AIMP1: variants seen among roughly 807,000 people sequenced by gnomAD.
AIMP1 encodes aminoacyl tRNA synthetase complex interacting multifunctional protein 1.
Under a neutral mutation model 33.1 loss-of-function variants are expected in AIMP1, and 24 were observed. That is an observed-to-expected ratio of 0.73 (90% CI 0.53 to 1.02). The LOEUF (loss-of-function observed/expected upper bound fraction) is 1.02, where lower values mean the gene tolerates loss of function less well. Ranked by LOEUF, AIMP1 falls within the 50% of genes least tolerant of loss-of-function variation. AIMP1 has a pLI of 0.00. For missense variants in AIMP1, 367 were observed against 364.8 expected, an observed-to-expected ratio of 1.01 and a Z score of -0.05; for synonymous variants, 120 against 121.5, an observed-to-expected ratio of 0.99 and a Z score of 0.08.
chr4:106,325,004 G>T lies in AIMP1; in HGVS notation c.-6G>T. On this transcript the variant is annotated 5_prime_UTR_variant, in exon 2 of 7. Coordinates refer to ENST00000672341, the MANE Select transcript of AIMP1 (RefSeq NM_001142416.2). Reference sequence around the variant, plus strand: ...CTATAGGATTTTCTGCCGTCTCTTGGCAAAAATGGCAAATAATGATGCTGT... The same window carrying T: ...CTATAGGATTTTCTGCCGTCTCTTGTCAAAAATGGCAAATAATGATGCTGT... The T allele has an allele frequency of 1.3e-6, 2 of 1,596,390 alleles. No individual in the cohort carries two copies. The highest frequency in any genetic ancestry group is 1.2e-5 in the South Asian group (1 of 86,302).
intron 1 of AIMP1, among the ~76,000 whole-genome samples, chr4:106,323,013 C>A (rs1769323599): frequency 1.3e-5 from 2 of 150,342 alleles, no homozygotes; most frequent in Non-Finnish European, 1.5e-5. Context: ...TTTATCACTT[C>A]TTTTTATCAC....
chr4:106,339,892 A>G (rs960534938), intron 6 of AIMP1, among the ~76,000 whole-genome samples: 7 of 152,350 alleles, frequency 4.6e-5, no homozygotes, highest in African/African-American at 1.4e-4. Context: ...AATGATTTTA[A>G]TAATCTAAAA....
rs866152545 is a variant in AIMP1, at chr4:106,325,032, T to C, written c.23T>C (p.Leu8Pro). The change falls in exon 2 of 7, where the codon CTG (leucine) becomes CCG (proline). Residue 8 changes from leucine (L) to proline (P), a missense_variant. Coordinates refer to ENST00000672341, the MANE Select transcript of AIMP1 (RefSeq NM_001142416.2). ...AAAATGGCAAATAATGATGCTGTTCTGAAGAGACTGGAGCAGAAGGGTGCA... is the reference window on the plus strand; with the variant it reads ...AAAATGGCAAATAATGATGCTGTTCCGAAGAGACTGGAGCAGAAGGGTGCA... The part of the protein sequence containing the change: MANNDAV[L>P]KRLEQKGAEA... 1.2e-6 allele frequency: 2 copies of C among 1,612,006 alleles called. No individual in the cohort carries two copies. Among genetic ancestry groups the C allele is most frequent in the Non-Finnish European group, 1.7e-6 (2 of 1,178,902 alleles).
chr4:106,335,848 C>T (rs1165625314), intron 5 of AIMP1, among the ~76,000 whole-genome samples: 1 of 151,030 alleles, frequency 6.6e-6, no homozygotes, highest in African/African-American at 2.4e-5. Flanking sequence ...TTGTATGATT[C>T]ATTTTAAACT....
rs1220357186 is a variant in AIMP1, at chr4:106,347,518, C to T, written c.773-8C>T. On this transcript the variant is annotated splice_region_variant and splice_polypyrimidine_tract_variant and intron_variant, in intron 6 of 6. Coordinates refer to ENST00000672341, the MANE Select transcript of AIMP1 (RefSeq NM_001142416.2). The stretch of plus-strand genomic sequence containing the variant: ...GTAATTTTCTTGTGCTTTTTTTCTC[C>T]TACACAGGAGAGCCTGACAAGGAGC... The T allele has an allele frequency of 1.2e-6, 2 of 1,607,420 alleles. No individual in the cohort carries two copies. Among genetic ancestry groups the T allele is most frequent in the East Asian group, 2.2e-5 (1 of 44,700 alleles).
chr4:106,328,086 AC>A lies in AIMP1; in HGVS notation c.236del (p.Pro79HisfsTer18), dbSNP rs1471985078. 6.2e-7 allele frequency: 1 copy of A among 1,612,742 alleles called. No individual in the cohort carries two copies. The highest frequency in any genetic ancestry group is 2.2e-5 in the East Asian group (1 of 44,802). ...AEIQNGVKQIPFPSGTPLHAN... is the reference protein window; with the variant it reads ...AEIQNGVKQIXFPSGTPLHAN... Reference sequence around the variant, plus strand: ...CATTTTCTGTCTCAGTGAAGCAAATACCATTTCCATCTGGTACTCCACTGCA... The same window carrying A: ...CATTTTCTGTCTCAGTGAAGCAAATACATTTCCATCTGGTACTCCACTGCA... On this transcript the variant is annotated frameshift_variant, in exon 4 of 7. Coordinates refer to ENST00000672341, the MANE Select transcript of AIMP1 (RefSeq NM_001142416.2). LOFTEE classifies it high-confidence loss of function.
Position 106,338,680 on chromosome 4 carries a change from A to AC in AIMP1, c.772+1650dup, listed in dbSNP as rs575568938. On this transcript the variant is annotated intron_variant, in intron 6 of 6. Coordinates refer to ENST00000672341, the MANE Select transcript of AIMP1 (RefSeq NM_001142416.2). The stretch of plus-strand genomic sequence containing the variant: ...GTGCAGAAAGGAACTGTGGGATGGG[A>AC]CCCCCCCACACACAGAATCCCCACT... Among the ~76,000 whole-genome samples the AC allele has an allele frequency of 1.3e-3, 201 of 151,820 alleles. 1 individual carries two copies. Among genetic ancestry groups the AC allele is most frequent in the African/African-American group, 4.2e-3 (174 of 41,366 alleles).
intron 1 of AIMP1, among the ~76,000 whole-genome samples, chr4:106,321,719 G>C (rs1393332396): frequency 6.6e-6 from 1 of 152,198 alleles, no homozygotes; most frequent in African/African-American, 2.4e-5. Flanking sequence ...CATTGAGAAC[G>C]GGCCATGATG....
chr4:106,323,149 A>T (rs1769329579), intron 1 of AIMP1, among the ~76,000 whole-genome samples: 1 of 152,166 alleles, frequency 6.6e-6, no homozygotes, highest in African/African-American at 2.4e-5. Context: ...TATAAAAGTC[A>T]TATTTTATGT....
chr4:106,320,991 G>T (rs1283702265), intron 1 of AIMP1, among the ~76,000 whole-genome samples: 1 of 152,184 alleles, frequency 6.6e-6, no homozygotes, highest in Non-Finnish European at 1.5e-5. Flanking sequence ...CGAGTGATCT[G>T]CCAGCCTCGG....
At chr4:106,331,534 A>G (rs1443554383) in intron 4 of AIMP1, 138 bp from the exon 5 acceptor site, 2 of 705,980 alleles carry the variant, frequency 2.8e-6, no homozygotes, top group Non-Finnish European at 4.8e-6. Context: ...CTTTGTTATT[A>G]TTTAAGTGAA....
At chr4:106,316,858 A>T (rs62318117) in intron 1 of AIMP1, 10 of 442,682 alleles carry the variant, frequency 2.3e-5, no homozygotes, top group African/African-American at 2.0e-4. Flanking sequence ...ATTTACTGTT[A>T]TGTGAATGTG....
chr4:106,321,289 C>G (rs1769219212), intron 1 of AIMP1: 1 of 159,298 alleles, frequency 6.3e-6, no homozygotes, highest in Non-Finnish European at 1.3e-5. Context: ...GTCATCCTGT[C>G]TAGGAAGTGA....
At position 106,348,869 on chromosome 4, in the gene AIMP1, A is replaced by G. The variant is rs1221499169; in HGVS notation, c.*1177A>G. On this transcript the variant is annotated 3_prime_UTR_variant, in exon 7 of 7. Transcript: ENST00000672341. ...ATGGCATCAATAGAGGCAGAAGTAT[A>G]GACATTGTTTTAAAAATACACACAT... is the stretch of plus-strand genomic sequence containing the variant. The G allele has an allele frequency of 6.6e-6, 1 of 152,086 alleles. No homozygotes were observed. The highest frequency in any genetic ancestry group is 1.5e-5 in the Non-Finnish European group (1 of 68,002). 9.4% of individuals were successfully genotyped at this position (152,086 alleles called of 1,614,324 possible). A position where few individuals can be genotyped will look rare whatever the true frequency, so the allele number is the denominator to read the frequency against.
At chr4:106,327,758 A>T (rs1181732843) in intron 3 of AIMP1, among the ~76,000 whole-genome samples, 194 bp downstream of exon 3, 1 of 152,190 alleles carries the variant, frequency 6.6e-6, no homozygotes, top group Admixed American at 6.5e-5. Flanking sequence ...TACATGAGTT[A>T]ATTTGTATAA....
At chr4:106,342,720 C>T (rs540757226) in intron 6 of AIMP1, among the ~76,000 whole-genome samples, 45 of 152,224 alleles carry the variant, frequency 3.0e-4, no homozygotes, top group African/African-American at 9.9e-4. Flanking sequence ...TAGTGTTCAT[C>T]AGAGATATTG....
At chr4:106,329,772 C>CCTTTTTT (rs1554000880) in intron 4 of AIMP1, among the ~76,000 whole-genome samples, 1 of 53,060 alleles carries the variant, frequency 1.9e-5, no homozygotes, top group Non-Finnish European at 3.8e-5. Context: ...TGCTACATAT[C>CCTTTTTT]TTTTTTTTTT....
rs1487012388 is a variant in AIMP1, at chr4:106,336,865, A to C, written c.604-4A>C. 1.2e-6 allele frequency: 2 copies of C among 1,613,868 alleles called. No homozygotes were observed. The stretch of plus-strand genomic sequence containing the variant: ...CTTTACTTACCAGTTTATATTTCAC[A>C]CAGATGCAAAATCGGATGGTGATTT... On this transcript the variant is annotated splice_polypyrimidine_tract_variant and splice_region_variant and intron_variant, in intron 5 of 6. Coordinates refer to ENST00000672341, the MANE Select transcript of AIMP1 (RefSeq NM_001142416.2).
At chr4:106,339,367 G>A (rs989281057) in intron 6 of AIMP1, among the ~76,000 whole-genome samples, 4 of 152,168 alleles carry the variant, frequency 2.6e-5, no homozygotes, top group Non-Finnish European at 5.9e-5. Context: ...CTGGTAGGAG[G>A]TAATTGAATC....
Sources: gnomAD v4.1 joint callset for allele counts (sites outside exome capture counted in the v4.1 genomes callset) on GRCh38, gnomAD v4.1.1 for gene constraint, MANE v1.5 for transcripts, NCBI Gene and HGNC (gene_info 2026-07-23, HGNC 2026-07-21) for gene names.